POLQ: variants seen among roughly 807,000 people sequenced by gnomAD.
POLQ encodes epididymis secretory sperm binding protein.
In POLQ, 233 loss-of-function variants were observed where a neutral mutation model predicts 259.2. That is an observed-to-expected ratio of 0.90 (90% CI 0.81 to 1.00). The LOEUF (loss-of-function observed/expected upper bound fraction) is 1.00, where lower values mean the gene tolerates loss of function less well. POLQ is among the 50% of genes least tolerant of loss of function. The probability of loss-of-function intolerance (pLI) is 0.00; values close to 1 mark genes in which losing one functional copy is unlikely to be tolerated. For synonymous variants in POLQ, 1,025 were observed against 1,048.8 expected (o/e 0.98, Z 0.44); for missense variants, 2,871 against 3,051.6 (o/e 0.94, Z 1.39).
chr3:121,543,091 T>C (rs2048502162), intron 2 of POLQ, among the ~76,000 whole-genome samples: 1 of 152,212 alleles, frequency 6.6e-6, no homozygotes, highest in Admixed American at 6.5e-5. Context: ...GATAATGAGC[T>C]GTACCAGGTA....
chr3:121,500,562 A>G (rs2048159534), intron 12 of POLQ, among the ~76,000 whole-genome samples: 1 of 152,242 alleles, frequency 6.6e-6, no homozygotes, highest in East Asian at 1.9e-4. Context: ...GAAAAAATGA[A>G]CAGAGTCTTA....
In POLQ at chr3:121,431,557, G is replaced by T. The variant is rs1192203773; in HGVS notation, c.*747C>A. On this transcript the variant is annotated 3_prime_UTR_variant, in exon 30 of 30. Transcript: ENST00000264233. The stretch of plus-strand genomic sequence containing the variant: ...GCCACAAACAGAAAGAGGCACTAAG[G>T]GACTGATAAGGGGGTATTTTCTGTC... The T allele has an allele frequency of 6.6e-6, 1 of 152,364 alleles. No homozygotes were observed. The highest frequency in any genetic ancestry group is 1.5e-5 in the Non-Finnish European group (1 of 68,014). 9.4% of individuals were successfully genotyped at this position (152,364 alleles called of 1,614,324 possible). A position where few individuals can be genotyped will look rare whatever the true frequency, so the allele number is the denominator to read the frequency against.
intron 24 of POLQ, among the ~76,000 whole-genome samples, chr3:121,463,089 A>G (rs1024869906): frequency 1.3e-5 from 2 of 152,214 alleles, no homozygotes; most frequent in Non-Finnish European, 2.9e-5. Context: ...TTCAAATAAC[A>G]CACCTGATAA....
chr3:121,446,812 C>T (rs1560085361), intron 26 of POLQ, among the ~76,000 whole-genome samples: 1 of 151,932 alleles, frequency 6.6e-6, no homozygotes, highest in African/African-American at 2.4e-5. Flanking sequence ...CTTTTCCATC[C>T]CTTTATTTTC....
At chr3:121,518,030 C>T (rs1336410752) in intron 9 of POLQ, among the ~76,000 whole-genome samples, 1 of 152,168 alleles carries the variant, frequency 6.6e-6, no homozygotes, top group Non-Finnish European at 1.5e-5. Context: ...GCCACGAACA[C>T]AGAATACTGA....
At chr3:121,507,103 C>T (rs2048214250) in intron 12 of POLQ, among the ~76,000 whole-genome samples, 1 of 151,898 alleles carries the variant, frequency 6.6e-6, no homozygotes, top group South Asian at 2.1e-4. Context: ...TGAATGAAAA[C>T]AGTCATCTAT....
At chr3:121,469,385 A>G (rs1025919189) in intron 22 of POLQ, among the ~76,000 whole-genome samples, 7 of 152,188 alleles carry the variant, frequency 4.6e-5, no homozygotes, top group Non-Finnish European at 1.0e-4. Flanking sequence ...CACACTCTTC[A>G]TTGTAACAGG....
chr3:121,442,988 G>A (rs1043520252), intron 26 of POLQ, among the ~76,000 whole-genome samples: 1 of 152,040 alleles, frequency 6.6e-6, no homozygotes, highest in South Asian at 2.1e-4. Context: ...CCTCCCAAGT[G>A]GTTGGGATAC....
intron 22 of POLQ, among the ~76,000 whole-genome samples, chr3:121,470,478 C>G (rs2047874806): frequency 6.6e-6 from 1 of 152,134 alleles, no homozygotes. Context: ...AGCCTCCGTG[C>G]TGGGTAACAG....
intron 25 of POLQ, among the ~76,000 whole-genome samples, chr3:121,451,013 CTCT>C (rs1183837156): frequency 1.3e-5 from 2 of 152,122 alleles, no homozygotes; most frequent in Non-Finnish European, 2.9e-5. Context: ...CTCTAAACTT[CTCT>C]TCTTGCTTCA....
chr3:121,479,381 T>TGTGTGA (rs2047953502), intron 19 of POLQ, among the ~76,000 whole-genome samples: 1 of 151,442 alleles, frequency 6.6e-6, no homozygotes, highest in Non-Finnish European at 1.5e-5. Flanking sequence ...TGTGTGTGTG[T>TGTGTGA]GTGTGTATAC....
In POLQ at chr3:121,487,860, G is replaced by C. The variant is rs1324334757; in HGVS notation, c.5071C>G (p.Gln1691Glu). ...VISNLETKQVQGISFSSNNEV... is the reference protein window; with the variant it reads ...VISNLETKQVEGISFSSNNEV... Reference sequence around the variant, plus strand: ...TTATTAGAAGAAAATGAAATTCCCTGCACTTGTTTTGTCTCCAAGTTTGAA... The same window carrying C: ...TTATTAGAAGAAAATGAAATTCCCTCCACTTGTTTTGTCTCCAAGTTTGAA... Residue 1691 changes from glutamine (Q) to glutamate (E), a missense_variant, in exon 16 of 30, where the codon CAG (glutamine) becomes GAG (glutamate). By Grantham distance (29) the Gln-to-Glu change is conservative. Around this residue, in one of 3 missense-constraint regions of POLQ, gnomAD observed 2,080 missense variants for 2,126.0 expected, o/e 0.98. Transcript: ENST00000264233. 6.2e-7 allele frequency: 1 copy of C among 1,610,386 alleles called. No homozygotes were observed. Among genetic ancestry groups the C allele is most frequent in the Non-Finnish European group, 8.5e-7 (1 of 1,178,736 alleles).
chr3:121,454,690 A>C (rs2047715710), intron 25 of POLQ, among the ~76,000 whole-genome samples: 1 of 152,236 alleles, frequency 6.6e-6, no homozygotes, highest in Admixed American at 6.5e-5. Context: ...TAACTATCCT[A>C]AACATATATG....
chr3:121,487,482 G>A lies in POLQ; in HGVS notation c.5449C>T (p.Pro1817Ser). Residue 1817 changes from proline to serine, a missense_variant, in exon 16 of 30, where the codon CCA becomes TCA. This residue lies in a region of POLQ where 2,080 missense variants were observed against 2,126.0 expected (regional missense o/e 0.98). Transcript: ENST00000264233. ...QLSQDGLQLTPASSSSESLSI... is the reference protein window; with the variant it reads ...QLSQDGLQLTSASSSSESLSI... ...AAACTTTCTGAACTGCTTGAGGCTG[G>A]AGTTAACTGTAATCCATCCTGTGAT... 6.2e-7 allele frequency: 1 copy of A among 1,614,074 alleles called. No individual in the cohort carries two copies. Among genetic ancestry groups the A allele is most frequent in the Non-Finnish European group, 8.5e-7 (1 of 1,179,986 alleles).
chr3:121,522,360 G>A (rs1182728917), intron 7 of POLQ, among the ~76,000 whole-genome samples: 2 of 78,148 alleles, frequency 2.6e-5, no homozygotes, highest in Non-Finnish European at 5.0e-5. Flanking sequence ...GCCGGACTGC[G>A]GACTGCAGTG....
chr3:121,447,369 A>C (rs1304357427), intron 26 of POLQ, among the ~76,000 whole-genome samples: 2 of 151,478 alleles, frequency 1.3e-5, no homozygotes, highest in African/African-American at 4.9e-5. Context: ...ATGGAGTTTC[A>C]CCATGTTGGT....
At chr3:121,492,443 C>A (rs1440257661) in intron 15 of POLQ, among the ~76,000 whole-genome samples, 1 of 152,102 alleles carries the variant, frequency 6.6e-6, no homozygotes, top group Non-Finnish European at 1.5e-5. Context: ...AATCTTCTCA[C>A]AAATTGTTTT....
chr3:121,475,311 T>C lies in POLQ; in HGVS notation c.6405+1229A>G, dbSNP rs58473385. On this transcript the variant is annotated intron_variant, in intron 20 of 29. Transcript: ENST00000264233. ...ATATAGTGAGATCATCTGAAACATA[T>C]GGTACTTATCTTTCTGTAACTGGCT... is the stretch of plus-strand genomic sequence containing the variant. Among the ~76,000 whole-genome samples, 513 of 152,296 alleles carry C rather than the reference T, an allele frequency of 3.4e-3. 5 individuals carry two copies. The highest frequency in any genetic ancestry group is 0.012 in the African/African-American group (487 of 41,556).
In POLQ at chr3:121,489,302, T is replaced by A. The variant is rs769875567; in HGVS notation, c.3629A>T (p.Gln1210Leu). Reference sequence around the variant, plus strand: ...CATTTGTCTCTCTATTATATTTTTCTGTTTGGTAATAGTGCTTGTCTGTTC... The same window carrying A: ...CATTTGTCTCTCTATTATATTTTTCAGTTTGGTAATAGTGCTTGTCTGTTC... ...SHEQTSTITK[Q>L]KNIIERQMPC... Residue 1210 changes from glutamine to leucine, a missense_variant, in exon 16 of 30, where the codon CAG becomes CTG. This residue lies in a region of POLQ where 2,080 missense variants were observed against 2,126.0 expected (regional missense o/e 0.98). Coordinates refer to ENST00000264233, the MANE Select transcript of POLQ (RefSeq NM_199420.4). 6.2e-7 allele frequency: 1 copy of A among 1,613,744 alleles called. No homozygotes were observed. The highest frequency in any genetic ancestry group is 8.5e-7 in the Non-Finnish European group (1 of 1,179,892).
Sources: allele counts gnomAD v4.1 joint callset (sites outside exome capture counted in the v4.1 genomes callset), GRCh38; gene constraint gnomAD v4.1.1; regional missense constraint gnomAD v4.1.1; transcripts MANE v1.5; gene names NCBI Gene and HGNC (gene_info 2026-07-23, HGNC 2026-07-21).